IPO7: variants seen among roughly 807,000 people sequenced by gnomAD.
IPO7 encodes importin-7.
In IPO7, 13 loss-of-function variants were observed where a neutral mutation model predicts 136.4. The observed-to-expected ratio is 0.10, with a 90% CI of 0.06 to 0.15. The LOEUF is 0.15. IPO7 is among the 10% of genes least tolerant of loss of function. The pLI is 1.00. For synonymous variants in IPO7, 403 were observed against 404.4 expected, an observed-to-expected ratio of 1.00 and a Z score of 0.04; for missense variants, 857 against 1,240.6, an observed-to-expected ratio of 0.69 and a Z score of 4.65.
chr11:9,440,757 C>A lies in IPO7; in HGVS notation c.2902+96C>A, dbSNP rs1291490791. 5 of 998,250 alleles carry A rather than the reference C, an allele frequency of 5.0e-6. No individual in the cohort carries two copies. In the Admixed American group the frequency reaches 5.6e-5, roughly 11 times the overall value. 61.8% of individuals were successfully genotyped at this position (998,250 alleles called of 1,614,324 possible). ...AGGAAGAGTTTGGAGGATATCAAACCCAGACTAGAAAAGGCTGGTTAGGCA... is the reference window on the plus strand; with the variant it reads ...AGGAAGAGTTTGGAGGATATCAAACACAGACTAGAAAAGGCTGGTTAGGCA... On this transcript the variant is annotated intron_variant, in intron 23 of 24. Transcript: ENST00000379719.
At chr11:9,388,104 A>G (rs1366596402) in intron 1 of IPO7, among the ~76,000 whole-genome samples, 2 of 150,974 alleles carry the variant, frequency 1.3e-5, no homozygotes, top group African/African-American at 4.8e-5. Flanking sequence ...CCGAGATCGT[A>G]CCATTGCACT....
At chr11:9,406,102 G>GCC (rs1564994592) in intron 2 of IPO7, among the ~76,000 whole-genome samples, 1 of 63,888 alleles carries the variant, frequency 1.6e-5, no homozygotes, top group African/African-American at 5.5e-5. Context: ...GCTGAGGCTG[G>GCC]TCTTTTTTTT....
chr11:9,443,355 G>T (rs530779267), intron 24 of IPO7, among the ~76,000 whole-genome samples: 1 of 152,130 alleles, frequency 6.6e-6, no homozygotes, highest in Non-Finnish European at 1.5e-5. Flanking sequence ...CACTTTGGGA[G>T]GCTGAGGCGG....
intron 16 of IPO7, 121 bp from the exon 17 acceptor site, chr11:9,433,449 A>G (rs1855327723): frequency 4.6e-6 from 3 of 646,094 alleles, no homozygotes; most frequent in Non-Finnish European, 5.3e-6. Flanking sequence ...TTTTAAAACA[A>G]AGACTTATTT....
rs1268508374 is a variant in IPO7 at position 9,420,705 on chromosome 11, C to T, written c.906+7C>T. ...TGCTGTTGGTGTCCAGCAAGTAAGT[C>T]TGTTTTTAGTTTTTCTCAGTGGAAA... is the stretch of plus-strand genomic sequence containing the variant. On this transcript the variant is annotated splice_region_variant and intron_variant, in intron 8 of 24. Transcript: ENST00000379719. 6.3e-7 allele frequency: 1 copy of T among 1,588,094 alleles called. No individual in the cohort carries two copies. Among genetic ancestry groups the T allele is most frequent in the Non-Finnish European group, 8.6e-7 (1 of 1,157,234 alleles).
intron 1 of IPO7, among the ~76,000 whole-genome samples, chr11:9,385,442 TCA>T (rs1350869493): frequency 5.3e-5 from 8 of 152,158 alleles, no homozygotes; most frequent in South Asian, 2.1e-4. Flanking sequence ...TGCGGGACAC[TCA>T]CAGAGTCTGA....
intron 16 of IPO7, 120 bp downstream of exon 16, chr11:9,431,123 G>A: frequency 1.5e-6 from 1 of 664,240 alleles, no homozygotes. Context: ...ATAAAGATAA[G>A]ATTGGTACAT....
chr11:9,421,162 T>C (rs1445210625), intron 8 of IPO7, among the ~76,000 whole-genome samples: 1 of 151,558 alleles, frequency 6.6e-6, no homozygotes, highest in African/African-American at 2.4e-5. Flanking sequence ...GTTTTCTCCA[T>C]GTTGGTCAGG....
intron 1 of IPO7, among the ~76,000 whole-genome samples, chr11:9,391,429 C>T (rs1027457410): frequency 6.6e-5 from 10 of 151,696 alleles, no homozygotes; most frequent in Non-Finnish European, 1.3e-4. Flanking sequence ...AAGTTCTGGC[C>T]GGGCATGGTG....
At chr11:9,441,600 C>G (rs1855460517) in intron 23 of IPO7, among the ~76,000 whole-genome samples, 2 of 152,174 alleles carry the variant, frequency 1.3e-5, no homozygotes, top group South Asian at 4.1e-4. Context: ...TACATGGCAG[C>G]AAGAACTGAT....
At position 9,446,911 on chromosome 11, in the gene IPO7, G is replaced by A. The variant is rs552743938; in HGVS notation, c.*1717G>A. 6.6e-6 allele frequency: 1 copy of A among 152,262 alleles called. No homozygotes were observed. The highest frequency in any genetic ancestry group is 1.9e-4 in the East Asian group (1 of 5,186). The allele number at this position is 152,262 out of a possible 1,614,324, so 9.4% of individuals were successfully genotyped here. ...AAAAGAAAAAAATTGTCTAACGTGT[G>A]TGGGTGAAAACTGTTAATCAAGTGT... is the stretch of plus-strand genomic sequence containing the variant. On this transcript the variant is annotated 3_prime_UTR_variant, in exon 25 of 25. Transcript: ENST00000379719.
At chr11:9,406,132 T>A (rs1265522626) in intron 2 of IPO7, among the ~76,000 whole-genome samples, 1 of 145,686 alleles carries the variant, frequency 6.9e-6, no homozygotes, top group Non-Finnish European at 1.5e-5. Flanking sequence ...TTTTTTTTTT[T>A]AGTAGAGACG....
intron 1 of IPO7, among the ~76,000 whole-genome samples, chr11:9,388,783 TAG>T (rs1854587563): frequency 6.6e-6 from 1 of 152,088 alleles, no homozygotes; most frequent in East Asian, 1.9e-4. Flanking sequence ...CACTACAGCC[TAG>T]AACTCTTGGC....
At chr11:9,387,431 G>A (rs1352633569) in intron 1 of IPO7, among the ~76,000 whole-genome samples, 2 of 152,128 alleles carry the variant, frequency 1.3e-5, no homozygotes, top group Middle Eastern at 3.2e-3. Context: ...CTGTTCAAAT[G>A]TCTCCTTATC....
rs144565474 is a variant in IPO7 at position 9,429,122 on chromosome 11, T to C, written c.1517T>C (p.Ile506Thr). ...TALELTRRCL[I>T]DDREMPVKVE... ...TTAGAGCTAACAAGAAGATGTCTGA[T>C]TGATGATAGAGAAATGCCTGTGAAA... Residue 506 changes from isoleucine to threonine, a missense_variant, in exon 14 of 25, where the codon ATT becomes ACT. Ile to Thr is a moderately conservative substitution (Grantham distance 89). This residue lies in a region of IPO7 where 127 missense variants were observed against 222.4 expected (regional missense o/e 0.57). Coordinates refer to ENST00000379719, the MANE Select transcript of IPO7 (RefSeq NM_006391.3). 11 of 1,613,784 alleles carry C rather than the reference T, an allele frequency of 6.8e-6. No individual in the cohort carries two copies. The highest frequency in any genetic ancestry group is 1.3e-5 in the African/African-American group (1 of 74,914).
chr11:9,428,414 G>A lies in IPO7; in HGVS notation c.1336-126G>A, dbSNP rs183631571. 1,667 of 470,812 alleles carry A rather than the reference G, an allele frequency of 3.5e-3. 10 individuals are homozygous for A. The highest frequency in any genetic ancestry group is 4.8e-3 in the Non-Finnish European group (1,244 of 259,650). 29.2% of individuals were successfully genotyped at this position (470,812 alleles called of 1,614,324 possible). On this transcript the variant is annotated intron_variant, in intron 12 of 24. Transcript: ENST00000379719. ...ATACGAAAATTGGTTGTGGATTCTG[G>A]GGTTCAAAGAATGAGAATAAATATA... is the stretch of plus-strand genomic sequence containing the variant.
At chr11:9,425,613 C>T (rs896733125) in intron 12 of IPO7, among the ~76,000 whole-genome samples, 1 of 152,036 alleles carries the variant, frequency 6.6e-6, no homozygotes, top group Admixed American at 6.6e-5. Context: ...TGATGGCTCA[C>T]GCCTGTAATC....
chr11:9,437,793 A>G lies in IPO7; in HGVS notation c.2308A>G (p.Thr770Ala). The change falls in exon 21 of 25, where the codon ACA (threonine) becomes GCA (alanine). Residue 770 changes from threonine to alanine, a missense_variant. This residue lies in a region of IPO7 where 190 missense variants were observed against 249.0 expected (regional missense o/e 0.76). Transcript: ENST00000379719. Reference protein sequence around the residue: ...LFVEAALERLTREVKTSELRT... With the variant: ...LFVEAALERLAREVKTSELRT... ...CGTGGAAGCAGCCTTAGAAAGACTG[A>G]CAAGAGAGGTTAAGACAAGTGAACT... The G allele has an allele frequency of 6.2e-7, 1 of 1,614,114 alleles. No homozygotes were observed. The highest frequency in any genetic ancestry group is 1.1e-5 in the South Asian group (1 of 91,082).
chr11:9,438,063 T>C lies in IPO7; in HGVS notation c.2490-17T>C, dbSNP rs779543293. The C allele has an allele frequency of 2.7e-6, 3 of 1,126,976 alleles. No homozygotes were observed. The East Asian group carries it at 8.3e-5, about 31-fold the overall frequency. The allele number at this position is 1,126,976 out of a possible 1,614,324, so 69.8% of individuals were successfully genotyped here. A position where few individuals can be genotyped will look rare whatever the true frequency, so the allele number is the denominator to read the frequency against. On this transcript the variant is annotated splice_polypyrimidine_tract_variant and intron_variant, in intron 21 of 24. Transcript: ENST00000379719. ...GAAAACAGTTTTTTTTTTTTTTTTTTTTTTTTTTTTTTTTAGGCTTCATGA... is the reference window on the plus strand; with the variant it reads ...GAAAACAGTTTTTTTTTTTTTTTTTCTTTTTTTTTTTTTTAGGCTTCATGA...
Sources: allele counts gnomAD v4.1 joint callset (sites outside exome capture counted in the v4.1 genomes callset), GRCh38; gene constraint gnomAD v4.1.1; regional missense constraint gnomAD v4.1.1; transcripts MANE v1.5; gene names NCBI Gene and HGNC (gene_info 2026-07-23, HGNC 2026-07-21).